FGF2: variants seen among roughly 807,000 people sequenced by gnomAD.
FGF2 encodes fibroblast growth factor 2.
FGF2 carries 13 observed loss-of-function variants against 15.9 expected under a neutral mutation model. That is an observed-to-expected ratio of 0.82 (90% CI 0.53 to 1.30). FGF2 has a LOEUF of 1.30. FGF2 is among the 50% of genes most tolerant of loss of function. The pLI is 0.00. For missense variants in FGF2, 163 were observed against 196.9 expected (o/e 0.83, Z 1.03); for synonymous variants, 90 against 78.4 (o/e 1.15, Z -0.78).
intron 1 of FGF2, among the ~76,000 whole-genome samples, chr4:122,851,662 A>G (rs1325663441): frequency 6.6e-6 from 1 of 152,214 alleles, no homozygotes; most frequent in African/African-American, 2.4e-5. Flanking sequence ...CTTAGCTAGA[A>G]TGTGTTGAAC....
At position 122,892,388 on chromosome 4, in the gene FGF2, A is replaced by G; in HGVS notation, c.460A>G (p.Lys154Glu). ...KAILFLPMSA[K>E]S Reference sequence around the variant, plus strand: ...TATACTTTTTCTTCCAATGTCTGCTAAGAGCTGATTTTAATGGCCACATCT... The same window carrying G: ...TATACTTTTTCTTCCAATGTCTGCTGAGAGCTGATTTTAATGGCCACATCT... Residue 154 changes from lysine to glutamate, a missense_variant, in exon 3 of 3, where the codon AAG becomes GAG. Lys to Glu is a moderately conservative substitution (Grantham distance 56, BLOSUM62 1). Coordinates refer to ENST00000644866, the MANE Select transcript of FGF2 (RefSeq NM_001361665.2). The G allele has an allele frequency of 6.2e-7, 1 of 1,614,050 alleles. No homozygotes were observed. The highest frequency in any genetic ancestry group is 8.5e-7 in the Non-Finnish European group (1 of 1,179,914).
At chr4:122,841,804 A>G (rs1725990014) in intron 1 of FGF2, among the ~76,000 whole-genome samples, 1 of 152,196 alleles carries the variant, frequency 6.6e-6, no homozygotes, top group African/African-American at 2.4e-5. Context: ...TTATTTCCAT[A>G]TATATTTTGC....
intron 1 of FGF2, among the ~76,000 whole-genome samples, chr4:122,851,505 C>T (rs142571928): frequency 7.2e-5 from 11 of 152,268 alleles, no homozygotes; most frequent in Non-Finnish European, 1.5e-4. Flanking sequence ...CCCTTTGATC[C>T]TAAAGCAAAT....
At chr4:122,860,217 A>AT (rs45626934) in intron 1 of FGF2, among the ~76,000 whole-genome samples, 6,674 of 152,184 alleles carry the variant, frequency 0.044, 164 homozygotes, top group Middle Eastern at 0.061. Context: ...CATCATAAAT[A>AT]TTTTTTTAAT....
At chr4:122,874,247 G>T (rs1726794406) in intron 1 of FGF2, among the ~76,000 whole-genome samples, 1 of 152,140 alleles carries the variant, frequency 6.6e-6, no homozygotes, top group Non-Finnish European at 1.5e-5. Context: ...AGATAAGTTT[G>T]GTTATGTTGA....
At chr4:122,843,527 G>C (rs1235423145) in intron 1 of FGF2, among the ~76,000 whole-genome samples, 1 of 152,158 alleles carries the variant, frequency 6.6e-6, no homozygotes, top group Non-Finnish European at 1.5e-5. Context: ...AGATTGGAGG[G>C]TGTGAAGCTG....
chr4:122,827,478 C>T lies in FGF2; in HGVS notation c.178+126C>T, dbSNP rs567568819. The T allele has an allele frequency of 1.3e-3, 1,519 of 1,127,770 alleles. 1 individual carries two copies. The highest frequency in any genetic ancestry group is 1.8e-3 in the Non-Finnish European group (1,406 of 771,108). 69.9% of individuals were successfully genotyped at this position (1,127,770 alleles called of 1,614,324 possible). A position where few individuals can be genotyped will look rare whatever the true frequency, so the allele number is the denominator to read the frequency against. On this transcript the variant is annotated intron_variant, in intron 1 of 2. Transcript: ENST00000644866. The surrounding 1 kb of genome is among the most constrained non-coding windows in gnomAD (Gnocchi z 4.2). ...CCCTAGCGCTCCGTGTGGTTTCTGG[C>T]CGCGCGGCCCTCGGCGGTTTCGGGT... is the stretch of plus-strand genomic sequence containing the variant.
At chr4:122,888,373 C>T (rs1727101308) in intron 2 of FGF2, among the ~76,000 whole-genome samples, 1 of 152,198 alleles carries the variant, frequency 6.6e-6, no homozygotes, top group South Asian at 2.1e-4. Context: ...TTTTGGCCCT[C>T]TGTAGTCTTG....
At chr4:122,840,152 G>A (rs1725948711) in intron 1 of FGF2, among the ~76,000 whole-genome samples, 1 of 152,046 alleles carries the variant, frequency 6.6e-6, no homozygotes, top group Non-Finnish European at 1.5e-5. Context: ...AGAGATAGTG[G>A]GATTAGAGCT....
chr4:122,854,085 C>G (rs1223310414), intron 1 of FGF2, among the ~76,000 whole-genome samples: 1 of 152,132 alleles, frequency 6.6e-6, no homozygotes, highest in Non-Finnish European at 1.5e-5. Flanking sequence ...ATACTAGGAA[C>G]ATGGGGAAAA....
intron 1 of FGF2, among the ~76,000 whole-genome samples, chr4:122,856,848 C>G (rs541989479): frequency 6.6e-6 from 1 of 152,200 alleles, no homozygotes; most frequent in Non-Finnish European, 1.5e-5. Flanking sequence ...TAGGTGCACT[C>G]ACTCCCTCAG....
At chr4:122,867,208 T>C (rs1225806470) in intron 1 of FGF2, among the ~76,000 whole-genome samples, 1 of 152,210 alleles carries the variant, frequency 6.6e-6, no homozygotes. Flanking sequence ...TATAATTGAT[T>C]GTGATGGTTG....
At chr4:122,831,419 CT>C (rs1725763826) in intron 1 of FGF2, among the ~76,000 whole-genome samples, 1 of 152,144 alleles carries the variant, frequency 6.6e-6, no homozygotes, top group Non-Finnish European at 1.5e-5. Context: ...CATCTCTTCA[CT>C]ACTGCCTTTG....
intron 1 of FGF2, among the ~76,000 whole-genome samples, chr4:122,849,683 G>C (rs1232973901): frequency 6.6e-6 from 1 of 152,196 alleles, no homozygotes; most frequent in South Asian, 2.1e-4. Flanking sequence ...TAAGGTATAG[G>C]AACATTGAGG....
intron 2 of FGF2, among the ~76,000 whole-genome samples, chr4:122,879,517 G>A (rs1321562503): frequency 1.3e-5 from 2 of 152,276 alleles, no homozygotes; most frequent in South Asian, 2.1e-4. Context: ...CCATAATCTG[G>A]GTCAGTGAAT....
At chr4:122,863,708 TTC>T (rs1342568418) in intron 1 of FGF2, among the ~76,000 whole-genome samples, 1 of 152,226 alleles carries the variant, frequency 6.6e-6, no homozygotes, top group Non-Finnish European at 1.5e-5. Context: ...CTGCAATTCT[TTC>T]TTTTTCTAAA....
At position 122,827,209 on chromosome 4, in the gene FGF2, T is replaced by C; in HGVS notation, c.35T>C (p.Leu12Ser). 1 of 1,609,020 alleles carries C rather than the reference T, an allele frequency of 6.2e-7. No individual in the cohort carries two copies. The highest frequency in any genetic ancestry group is 2.2e-5 in the East Asian group (1 of 44,708). Reference protein sequence around the residue: ...AAGSITTLPALPEDGGSGAFP... With the variant: ...AAGSITTLPASPEDGGSGAFP... ...GGGAGCATCACCACGCTGCCCGCCT[T>C]GCCCGAGGATGGCGGCAGCGGCGCC... Residue 12 changes from leucine to serine, a missense_variant, in exon 1 of 3, where the codon TTG (leucine) becomes TCG (serine). By Grantham distance (145) the Leu-to-Ser change is moderately radical (BLOSUM62 -2). Coordinates refer to ENST00000644866, the MANE Select transcript of FGF2 (RefSeq NM_001361665.2). The surrounding 1 kb of genome is among the most constrained non-coding windows in gnomAD (Gnocchi z 4.2).
At chr4:122,842,795 A>G (rs1299846679) in intron 1 of FGF2, among the ~76,000 whole-genome samples, 1 of 152,206 alleles carries the variant, frequency 6.6e-6, no homozygotes, top group African/African-American at 2.4e-5. Context: ...AGCAAGTATA[A>G]TAATCTCACT....
chr4:122,845,827 G>A (rs1726099164), intron 1 of FGF2, among the ~76,000 whole-genome samples: 1 of 152,142 alleles, frequency 6.6e-6, no homozygotes, highest in Non-Finnish European at 1.5e-5. Flanking sequence ...AGGCTGTTTT[G>A]TTTTCTTATC....
Sources: gnomAD v4.1 joint callset for allele counts (sites outside exome capture counted in the v4.1 genomes callset) on GRCh38, gnomAD v4.1.1 for gene constraint, Gnocchi (gnomAD v3.1) non-coding constraint, MANE v1.5 for transcripts, NCBI Gene and HGNC (gene_info 2026-07-23, HGNC 2026-07-21) for gene names.